SLC7A11: variants seen among roughly 807,000 people sequenced by gnomAD.
SLC7A11 encodes cystine/glutamate transporter.
In SLC7A11, 35 loss-of-function variants were observed where a neutral mutation model predicts 54.5. The observed-to-expected ratio is 0.64, with a 90% CI of 0.49 to 0.85. The LOEUF (loss-of-function observed/expected upper bound fraction) is 0.85. Ranked by LOEUF, SLC7A11 falls within the 40% of genes least tolerant of loss-of-function variation. The probability of loss-of-function intolerance (pLI) is 0.00; values close to 1 mark genes in which losing one functional copy is unlikely to be tolerated. For synonymous variants in SLC7A11, 230 were observed against 225.2 expected (o/e 1.02, Z -0.19); for missense variants, 583 against 618.1 (o/e 0.94, Z 0.60).
At chr4:138,232,137 AT>A (rs1486515108) in intron 3 of SLC7A11, 129 bp downstream of exon 3, 1 of 700,414 alleles carries the variant, frequency 1.4e-6, no homozygotes, top group Admixed American at 2.2e-5. Context: ...TCCAGTAGAA[AT>A]TTGGAACTGT....
rs748428954 is a variant in SLC7A11 at position 138,179,253 on chromosome 4, A to G, written c.1408T>C (p.Trp470Arg). 3.2e-5 allele frequency: 52 copies of G among 1,611,916 alleles called. No individual in the cohort carries two copies. In the Admixed American group the frequency reaches 6.3e-4, roughly 20 times the overall value. The change falls in exon 11 of 12, where the codon TGG (tryptophan) becomes CGG (arginine). Residue 470 changes from tryptophan to arginine, a missense_variant. Trp to Arg is a moderately radical substitution (Grantham distance 101). Transcript: ENST00000280612. The stretch of plus-strand genomic sequence containing the variant: ...CTAAACCACCTGGGTTTCTTGTCCC[A>G]TATAATAAAGAGATAATACGCAGGG... ...GVPAYYLFIIWDKKPRWFRIM... is the reference protein window; with the variant it reads ...GVPAYYLFIIRDKKPRWFRIM...
intron 6 of SLC7A11, among the ~76,000 whole-genome samples, chr4:138,198,514 G>T (rs1197456772): frequency 6.6e-6 from 1 of 152,078 alleles, no homozygotes; most frequent in Non-Finnish European, 1.5e-5. Flanking sequence ...TGTAATTTTT[G>T]CCTTTCAATT....
At chr4:138,238,027 A>G (rs1189208398) in intron 1 of SLC7A11, among the ~76,000 whole-genome samples, 1 of 151,876 alleles carries the variant, frequency 6.6e-6, no homozygotes, top group African/African-American at 2.4e-5. Context: ...TGTTGGGATT[A>G]CAGGCGTGAG....
chr4:138,216,988 T>C (rs554382977), intron 5 of SLC7A11, among the ~76,000 whole-genome samples: 7 of 152,326 alleles, frequency 4.6e-5, no homozygotes, highest in African/African-American at 1.7e-4. Context: ...GGAATTCTTT[T>C]AGCCTCCATC....
At chr4:138,220,305 C>T (rs1303187448) in intron 4 of SLC7A11, among the ~76,000 whole-genome samples, 1 of 152,100 alleles carries the variant, frequency 6.6e-6, no homozygotes, top group African/African-American at 2.4e-5. Flanking sequence ...TGAAGTATTA[C>T]CCATTCATGA....
chr4:138,223,751 C>T (rs1194504037), intron 3 of SLC7A11, among the ~76,000 whole-genome samples: 1 of 152,150 alleles, frequency 6.6e-6, no homozygotes, highest in East Asian at 1.9e-4. Flanking sequence ...ATGTGGATCA[C>T]ACTCAAGAAG....
intron 11 of SLC7A11, chr4:138,175,931 T>C (rs1366047933): frequency 6.6e-6 from 1 of 152,194 alleles, no homozygotes; most frequent in Non-Finnish European, 1.5e-5. Flanking sequence ...ATAAAGGTTT[T>C]GGAATTTTAC....
intron 6 of SLC7A11, among the ~76,000 whole-genome samples, chr4:138,203,041 C>T (rs575329449): frequency 2.8e-4 from 42 of 151,966 alleles, no homozygotes; most frequent in Admixed American, 1.1e-3. Context: ...TCTATTTGAC[C>T]TTACCACACT....
At chr4:138,241,507 C>A (rs1421707958) in intron 1 of SLC7A11, among the ~76,000 whole-genome samples, 2 of 152,118 alleles carry the variant, frequency 1.3e-5, no homozygotes, top group African/African-American at 4.8e-5. Context: ...TTTACTGGGT[C>A]ATGAAAGTTA....
At chr4:138,172,960 C>T (rs1200850912) in intron 11 of SLC7A11, among the ~76,000 whole-genome samples, 1 of 152,138 alleles carries the variant, frequency 6.6e-6, no homozygotes, top group African/African-American at 2.4e-5. Context: ...TCTCCTGCCT[C>T]AGCCTCCCAA....
At position 138,241,998 on chromosome 4, in the gene SLC7A11, C is replaced by T; in HGVS notation, c.72G>A (p.Leu24=). The change falls in exon 1 of 12, where the codon CTG becomes CTA. Residue 24 remains leucine, a synonymous_variant. Coordinates refer to ENST00000280612, the MANE Select transcript of SLC7A11 (RefSeq NM_014331.4). The stretch of plus-strand genomic sequence containing the variant: ...GTGGCTCCTTGTTGCCCAGGGAAGG[C>T]AGCCTCCCGTTAACATTTCCCTGCA... ...GYLQGNVNGR[L]PSLGNKEPPG... The T allele has an allele frequency of 6.2e-7, 1 of 1,614,212 alleles. No individual in the cohort carries two copies. Among genetic ancestry groups the T allele is most frequent in the South Asian group, 1.1e-5 (1 of 91,080 alleles).
At position 138,167,691 on chromosome 4, in the gene SLC7A11, T is replaced by TA. The variant is rs1301295160; in HGVS notation, c.*4264dup. On this transcript the variant is annotated 3_prime_UTR_variant, in exon 12 of 12. Coordinates refer to ENST00000280612, the MANE Select transcript of SLC7A11 (RefSeq NM_014331.4). Reference sequence around the variant, plus strand: ...ACTATGAGCTTCTTCCCAGTTGTTATACAATGCCATATTTTAATTCCTGAC... The same window carrying TA: ...ACTATGAGCTTCTTCCCAGTTGTTATAACAATGCCATATTTTAATTCCTGAC... 1 of 152,208 alleles carries TA rather than the reference T, an allele frequency of 6.6e-6. No individual in the cohort carries two copies. Among genetic ancestry groups the TA allele is most frequent in the Non-Finnish European group, 1.5e-5 (1 of 68,038 alleles). 9.4% of individuals were successfully genotyped at this position (152,208 alleles called of 1,614,324 possible). A position where few individuals can be genotyped will look rare whatever the true frequency, so the allele number is the denominator to read the frequency against.
intron 2 of SLC7A11, 107 bp from the exon 3 acceptor site, chr4:138,232,489 A>G (rs559731720): frequency 6.3e-4 from 413 of 655,148 alleles, no homozygotes; most frequent in African/African-American, 5.8e-3. Context: ...GTTAAATATG[A>G]AAGTCCATAG....
rs181493541 is a variant in SLC7A11 at position 138,200,866 on chromosome 4, C to G, written c.791+13719G>C. Among the ~76,000 whole-genome samples, 778 of 152,220 alleles carry G rather than the reference C, an allele frequency of 5.1e-3. 4 individuals are homozygous for G. The highest frequency in any genetic ancestry group is 0.015 in the South Asian group (73 of 4,818). ...TAGAAGAAGGTAACCAAGTAGAGAA[C>G]TCTTTGTACACACGGGTAATATGAT... On this transcript the variant is annotated intron_variant, in intron 6 of 11. Coordinates refer to ENST00000280612, the MANE Select transcript of SLC7A11 (RefSeq NM_014331.4).
chr4:138,222,946 A>T (rs1162079546), intron 4 of SLC7A11, among the ~76,000 whole-genome samples: 1 of 151,378 alleles, frequency 6.6e-6, no homozygotes, highest in Non-Finnish European at 1.5e-5. Flanking sequence ...ACTCCAAACC[A>T]TTAAACCTAG....
At chr4:138,197,440 GTTACT>G (rs1264737069) in intron 6 of SLC7A11, among the ~76,000 whole-genome samples, 1 of 152,030 alleles carries the variant, frequency 6.6e-6, no homozygotes, top group Non-Finnish European at 1.5e-5. Context: ...TACTTGGGAA[GTTACT>G]TTAATTAGTT....
At position 138,241,466 on chromosome 4, in the gene SLC7A11, C is replaced by T. The variant is rs977651294; in HGVS notation, c.277+327G>A. On this transcript the variant is annotated intron_variant, in intron 1 of 11. Transcript: ENST00000280612. ...TGCCAGAATGCCCAAGCTAAGTGTA[C>T]AACTGCCCGGCACAGAAAGTGTGCA... is the stretch of plus-strand genomic sequence containing the variant. 8.5e-5 allele frequency among the ~76,000 whole-genome samples: 13 copies of T among 152,120 alleles called. 1 individual carries two copies. The highest frequency in any genetic ancestry group is 7.9e-4 in the Admixed American group (12 of 15,266).
intron 6 of SLC7A11, among the ~76,000 whole-genome samples, chr4:138,192,782 A>C (rs937092847): frequency 3.9e-5 from 6 of 152,122 alleles, no homozygotes; most frequent in Non-Finnish European, 7.4e-5. Context: ...TTACTTCCCC[A>C]AAACAGAGGA....
At chr4:138,230,134 C>T (rs1027451988) in intron 3 of SLC7A11, among the ~76,000 whole-genome samples, 2 of 152,082 alleles carry the variant, frequency 1.3e-5, no homozygotes, top group African/African-American at 2.4e-5. Context: ...AGCTAGAGGC[C>T]ATTATCCTTA....
Sources: allele counts gnomAD v4.1 joint callset (sites outside exome capture counted in the v4.1 genomes callset), GRCh38; gene constraint gnomAD v4.1.1; transcripts MANE v1.5; gene names NCBI Gene and HGNC (gene_info 2026-07-23, HGNC 2026-07-21).